Variants in BRAF observed in about 807,000 individuals in gnomAD.
BRAF encodes serine/threonine-protein kinase B-raf.
A neutral mutation model predicts 104.6 loss-of-function variants in BRAF; 16 were observed. That is an observed-to-expected ratio of 0.15 (90% confidence interval 0.10 to 0.23). The LOEUF (loss-of-function observed/expected upper bound fraction) is 0.23. Among genes scored for constraint, BRAF ranks in the 10% least tolerant of loss-of-function variants. The pLI, the probability that BRAF is intolerant of heterozygous loss-of-function variation, is 1.00. For missense variants in BRAF, 541 were observed against 937.3 expected (o/e 0.58, Z 5.52); for synonymous variants, 310 against 341.6 (o/e 0.91, Z 1.02).
chr7:140,866,727 G>A (rs894648885), intron 1 of BRAF, among the ~76,000 whole-genome samples: 5 of 151,714 alleles, frequency 3.3e-5, no homozygotes, highest in South Asian at 2.1e-4. Context: ...AAGTCTTAAC[G>A]ACCTAAGGCA....
intron 7 of BRAF, among the ~76,000 whole-genome samples, chr7:140,797,812 G>T (rs899879098): frequency 6.6e-6 from 1 of 152,038 alleles, no homozygotes; most frequent in Non-Finnish European, 1.5e-5. Context: ...TCTGTCAGGA[G>T]AAAATATTAT....
At position 140,725,493 on chromosome 7, in the gene BRAF, CAG is replaced by C; in HGVS notation, c.*999_*1000del. ...TAATAAAAATAGAAAAGAAGAAACT[CAG>C]AAATTAAAACCTGTACCTTATATTT... On this transcript the variant is annotated 3_prime_UTR_variant, in exon 20 of 20. Transcript: ENST00000644969. 1.0e-6 allele frequency: 1 copy of C among 958,902 alleles called. No individual in the cohort carries two copies. Among genetic ancestry groups the C allele is most frequent in the Non-Finnish European group, 1.3e-6 (1 of 789,220 alleles). 59.4% of individuals were successfully genotyped at this position (958,902 alleles called of 1,614,324 possible).
intron 2 of BRAF, among the ~76,000 whole-genome samples, chr7:140,837,217 C>A (rs1364359462): frequency 6.6e-6 from 1 of 152,198 alleles, no homozygotes; most frequent in Non-Finnish European, 1.5e-5. Context: ...CTAAACCTCT[C>A]ACCTCTAAAA....
chr7:140,853,439 TA>T (rs1244400143), intron 1 of BRAF, among the ~76,000 whole-genome samples: 1 of 152,162 alleles, frequency 6.6e-6, no homozygotes, highest in Non-Finnish European at 1.5e-5. Flanking sequence ...GCTTCCCCAC[TA>T]AAAATCACCA....
At chr7:140,912,128 G>A (rs1003481220) in intron 1 of BRAF, among the ~76,000 whole-genome samples, 3 of 152,168 alleles carry the variant, frequency 2.0e-5, no homozygotes, top group Admixed American at 6.5e-5. Context: ...ACCCCAGCCT[G>A]GGTAGCAGAG....
At chr7:140,771,875 G>A (rs534972355) in intron 14 of BRAF, among the ~76,000 whole-genome samples, 4 of 152,160 alleles carry the variant, frequency 2.6e-5, no homozygotes, top group African/African-American at 9.6e-5. Context: ...TAGAGCCAGG[G>A]GACAGAAGGA....
intron 1 of BRAF, among the ~76,000 whole-genome samples, chr7:140,895,658 A>G (rs1476769771): frequency 1.3e-5 from 2 of 152,176 alleles, no homozygotes; most frequent in African/African-American, 4.8e-5. Context: ...TAGCTTCCAC[A>G]TAAGAGTGAG....
intron 1 of BRAF, among the ~76,000 whole-genome samples, chr7:140,876,235 T>C (rs1366048528): frequency 6.6e-6 from 1 of 152,192 alleles, no homozygotes; most frequent in Non-Finnish European, 1.5e-5. Flanking sequence ...TTTAAAGAAA[T>C]GAATTTATTT....
rs1795447849 is a variant in BRAF at position 140,723,878 on chromosome 7, C to CT, written c.*2615dup. ...TCGTTTTTTTAGGAGCTCAGTAAGT[C>CT]TAACTGTTGTCTAAGCATCAAAAAA... On this transcript the variant is annotated 3_prime_UTR_variant, in exon 20 of 20. Transcript: ENST00000644969. The CT allele has an allele frequency of 2.4e-5, 25 of 1,046,444 alleles. No individual in the cohort carries two copies. The highest frequency in any genetic ancestry group is 2.9e-5 in the Non-Finnish European group (25 of 867,578). 64.8% of individuals were successfully genotyped at this position (1,046,444 alleles called of 1,614,324 possible).
At position 140,725,307 on chromosome 7, in the gene BRAF, T is replaced by C. The variant is rs1795539526; in HGVS notation, c.*1187A>G. Reference sequence around the variant, plus strand: ...CCATTAATTGAAAAATTATAAATATTTGTCATTATGCTAAGACTCCTCATA... The same window carrying C: ...CCATTAATTGAAAAATTATAAATATCTGTCATTATGCTAAGACTCCTCATA... On this transcript the variant is annotated 3_prime_UTR_variant, in exon 20 of 20. Transcript: ENST00000644969. 3 of 1,031,410 alleles carry C rather than the reference T, an allele frequency of 2.9e-6. No homozygotes were observed. Among genetic ancestry groups the C allele is most frequent in the Non-Finnish European group, 3.5e-6 (3 of 854,432 alleles). 63.9% of individuals were successfully genotyped at this position (1,031,410 alleles called of 1,614,324 possible). A position where few individuals can be genotyped will look rare whatever the true frequency, so the allele number is the denominator to read the frequency against.
intron 14 of BRAF, among the ~76,000 whole-genome samples, chr7:140,771,665 A>T (rs1406323560): frequency 2.0e-5 from 3 of 152,226 alleles, no homozygotes; most frequent in Non-Finnish European, 4.4e-5. Flanking sequence ...TCTGAAATAA[A>T]GGCTTTGCAA....
At chr7:140,905,355 A>C (rs937523196) in intron 1 of BRAF, among the ~76,000 whole-genome samples, 2 of 152,236 alleles carry the variant, frequency 1.3e-5, no homozygotes, top group Non-Finnish European at 2.9e-5. Context: ...AGGCTATTAA[A>C]TCTTCACAGT....
chr7:140,824,503 C>T (rs1805800054), intron 3 of BRAF: 1 of 152,126 alleles, frequency 6.6e-6, no homozygotes, highest in South Asian at 2.1e-4. Flanking sequence ...CATGCCAGTA[C>T]CACTTAGTTT....
intron 14 of BRAF, among the ~76,000 whole-genome samples, chr7:140,776,696 A>G (rs1800368777): frequency 6.6e-6 from 1 of 152,164 alleles, no homozygotes; most frequent in Non-Finnish European, 1.5e-5. Flanking sequence ...GCAGTCATGT[A>G]TTTATTATCA....
rs1795247376 is a variant in BRAF at position 140,720,039 on chromosome 7, A to AG, written c.*6454dup. 9.4e-7 allele frequency: 1 copy of AG among 1,061,488 alleles called. No homozygotes were observed. Among genetic ancestry groups the AG allele is most frequent in the Non-Finnish European group, 1.1e-6 (1 of 876,876 alleles). The allele number at this position is 1,061,488 out of a possible 1,614,324, so 65.8% of individuals were successfully genotyped here. A position where few individuals can be genotyped will look rare whatever the true frequency, so the allele number is the denominator to read the frequency against. On this transcript the variant is annotated 3_prime_UTR_variant, in exon 20 of 20. Transcript: ENST00000644969. ...TCCTCAAACCAAGGAATACATGAAA[A>AG]GGGGGGATTTCCTTTTTCTTGGTCT...
At chr7:140,742,861 C>G (rs1797041433) in intron 17 of BRAF, among the ~76,000 whole-genome samples, 1 of 151,230 alleles carries the variant, frequency 6.6e-6, no homozygotes. Flanking sequence ...ACAATGAACT[C>G]AAACAAATTT....
At chr7:140,751,264 G>A (rs1759841421) in intron 16 of BRAF, among the ~76,000 whole-genome samples, 1 of 151,776 alleles carries the variant, frequency 6.6e-6, no homozygotes, top group South Asian at 2.1e-4. Context: ...GGACAAAACT[G>A]GAGACTTGAT....
intron 1 of BRAF, among the ~76,000 whole-genome samples, chr7:140,858,943 C>A (rs1457756745): frequency 6.6e-6 from 1 of 151,940 alleles, no homozygotes; most frequent in African/African-American, 2.4e-5. Flanking sequence ...ACCATCAGGG[C>A]TAATACCTAT....
intron 1 of BRAF, among the ~76,000 whole-genome samples, chr7:140,903,734 G>T (rs1586603988): frequency 6.6e-6 from 1 of 152,196 alleles, no homozygotes; most frequent in East Asian, 1.9e-4. Flanking sequence ...AAGAACATTT[G>T]TAATTCATGG....
Sources: gnomAD v4.1 joint callset for allele counts (sites outside exome capture counted in the v4.1 genomes callset) on GRCh38, gnomAD v4.1.1 for gene constraint, MANE v1.5 for transcripts, NCBI Gene and HGNC (gene_info 2026-07-23, HGNC 2026-07-21) for gene names.